PPP1R13B: variants seen among roughly 807,000 people sequenced by gnomAD.
The protein encoded by PPP1R13B is apoptosis-stimulating of p53 protein 1.
Under a neutral mutation model 119.8 loss-of-function variants are expected in PPP1R13B, and 44 were observed. The ratio of observed to expected loss-of-function variants is 0.37; its 90% CI spans 0.29 to 0.47. PPP1R13B has a LOEUF of 0.47. PPP1R13B is among the 20% of genes least tolerant of loss of function. The pLI, the probability that PPP1R13B is intolerant of heterozygous loss-of-function variation, is 0.99. For synonymous variants in PPP1R13B, 542 were observed against 561.5 expected, an observed-to-expected ratio of 0.97 and a Z score of 0.49; for missense variants, 1,227 against 1,413.5, an observed-to-expected ratio of 0.87 and a Z score of 2.12.
chr14:103,847,116 C>A (rs2087063842), intron 1 of PPP1R13B, 183 bp downstream of exon 1: 2 of 984,166 alleles, frequency 2.0e-6, no homozygotes, highest in South Asian at 9.3e-5. Context: ...CGCTGACAGC[C>A]CGGCGCCGCC....
At chr14:103,794,451 C>T (rs985402419) in intron 2 of PPP1R13B, 16 of 173,446 alleles carry the variant, frequency 9.2e-5, no homozygotes, top group African/African-American at 1.9e-4. Context: ...CTCAGCCTCC[C>T]GAGTAGCAGG....
chr14:103,833,762 A>T (rs954002400), intron 1 of PPP1R13B, among the ~76,000 whole-genome samples: 1 of 152,100 alleles, frequency 6.6e-6, no homozygotes, highest in Non-Finnish European at 1.5e-5. Flanking sequence ...GAAACTTCCC[A>T]ACATCCTGAG....
At chr14:103,848,784 A>G (rs1173083898), upstream of PPP1R13B, among the ~76,000 whole-genome samples, 1 of 145,890 alleles carries the variant, frequency 6.9e-6, no homozygotes, top group African/African-American at 2.8e-5. Context: ...CCTGTCCCTC[A>G]GAGGCCACGG....
intron 1 of PPP1R13B, among the ~76,000 whole-genome samples, chr14:103,816,761 C>A (rs905412613): frequency 4.0e-5 from 6 of 151,802 alleles, no homozygotes; most frequent in African/African-American, 1.2e-4. Flanking sequence ...TCTGCAAATA[C>A]CAAAAATTCA....
rs532042343 is a variant in PPP1R13B, at chr14:103,819,140, G to A, written c.10-21622C>T. 2.0e-4 allele frequency among the ~76,000 whole-genome samples: 31 copies of A among 152,322 alleles called. No individual in the cohort carries two copies. The South Asian group carries it at 6.0e-3, about 30-fold the overall frequency. The stretch of plus-strand genomic sequence containing the variant: ...TGAAGAGACTGAGAATCAATAAGGA[G>A]TCCAGCTTGACTGAAGCAGGGAAAT... On this transcript the variant is annotated intron_variant, in intron 1 of 16. Transcript: ENST00000202556.
chr14:103,771,567 G>A lies in PPP1R13B; in HGVS notation c.354+7178C>T, dbSNP rs145270416. 1.5e-3 allele frequency among the ~76,000 whole-genome samples: 199 copies of A among 134,524 alleles called. 1 individual carries two copies. The highest frequency in any genetic ancestry group is 5.2e-3 in the African/African-American group (187 of 35,668). 88.3% of individuals were successfully genotyped at this position (134,524 alleles called of 152,430 possible). A position where few individuals can be genotyped will look rare whatever the true frequency, so the allele number is the denominator to read the frequency against. On this transcript the variant is annotated intron_variant, in intron 4 of 16. Coordinates refer to ENST00000202556, the MANE Select transcript of PPP1R13B (RefSeq NM_015316.3). ...GTGATCTCAGCTCACTGCAACCTCC[G>A]CCCCCTGGGTTCAAGCGATTCTCCT... is the stretch of plus-strand genomic sequence containing the variant.
At chr14:103,784,986 A>T (rs2085424005) in intron 2 of PPP1R13B, 72 bp from the exon 3 acceptor site, 1 of 1,395,838 alleles carries the variant, frequency 7.2e-7, no homozygotes, top group African/African-American at 1.4e-5. Flanking sequence ...TTTGTAAAAA[A>T]CTTAAATGAA....
intron 1 of PPP1R13B, among the ~76,000 whole-genome samples, chr14:103,811,601 T>C (rs1043960301): frequency 1.3e-5 from 2 of 151,962 alleles, no homozygotes; most frequent in East Asian, 1.9e-4. Flanking sequence ...GGTAGGAGGA[T>C]TGCTTGAGCC....
chr14:103,826,999 G>A (rs1415046283), intron 1 of PPP1R13B, among the ~76,000 whole-genome samples: 2 of 148,488 alleles, frequency 1.3e-5, no homozygotes, highest in East Asian at 2.0e-4. Flanking sequence ...GTGACAGAGC[G>A]AAACTCCATC....
chr14:103,846,207 TA>T (rs1419261152), intron 1 of PPP1R13B, among the ~76,000 whole-genome samples: 1 of 152,164 alleles, frequency 6.6e-6, no homozygotes, highest in Non-Finnish European at 1.5e-5. Flanking sequence ...GATCAAACCT[TA>T]AGACTTGGAA....
At chr14:103,783,144 G>T (rs550265808) in intron 3 of PPP1R13B, among the ~76,000 whole-genome samples, 1 of 151,892 alleles carries the variant, frequency 6.6e-6, no homozygotes, top group African/African-American at 2.4e-5. Flanking sequence ...TTCTTTACAT[G>T]TAAAGAGAAT....
intron 3 of PPP1R13B, among the ~76,000 whole-genome samples, chr14:103,780,488 A>C (rs2085311836): frequency 2.0e-5 from 1 of 51,048 alleles, no homozygotes; most frequent in African/African-American, 1.1e-4. Context: ...CCTGTCTCAA[A>C]AAAAAAAAAA....
rs1232029809 is a variant in PPP1R13B, at chr14:103,742,708, G to GC, written c.1265dup (p.Thr423HisfsTer24). 1 of 1,613,886 alleles carries GC rather than the reference G, an allele frequency of 6.2e-7. No homozygotes were observed. Among genetic ancestry groups the GC allele is most frequent in the African/African-American group, 1.3e-5 (1 of 74,928 alleles). On this transcript the variant is annotated frameshift_variant, in exon 10 of 17. Transcript: ENST00000202556. LOFTEE classifies it high-confidence loss of function. The surrounding 1 kb of genome is among the most constrained non-coding windows in gnomAD (Gnocchi z 4.9). ...AGGGCACAGGCTGGCTGGAGACAGT[G>GC]CCCTGCTTGACAGACCCCTCCACGC...
At chr14:103,822,418 G>A (rs578030583) in intron 1 of PPP1R13B, among the ~76,000 whole-genome samples, 12 of 152,178 alleles carry the variant, frequency 7.9e-5, no homozygotes, top group Admixed American at 2.0e-4. Flanking sequence ...TAGAAGAAGC[G>A]TGAGCCACTG....
At position 103,742,116 on chromosome 14, in the gene PPP1R13B, C is replaced by T. The variant is rs759806671; in HGVS notation, c.1496G>A (p.Arg499Lys). The change falls in exon 11 of 17, where the codon AGG (arginine) becomes AAG (lysine). Residue 499 changes from arginine (R) to lysine (K), a missense_variant. Arg to Lys is a conservative substitution (Grantham distance 26). Coordinates refer to ENST00000202556, the MANE Select transcript of PPP1R13B (RefSeq NM_015316.3). This position sits in a 1 kb window ranked among gnomAD's most constrained non-coding sequence, Gnocchi z 4.9. ...RPSAGLPSRQ[R>K]PTLLPATGST... ...GCCTGTGGCGGGCAGCAGGGTGGGCCTCTGTCGACTTGGCAGGCCTGCACT... is the reference window on the plus strand; with the variant it reads ...GCCTGTGGCGGGCAGCAGGGTGGGCTTCTGTCGACTTGGCAGGCCTGCACT... The T allele has an allele frequency of 6.2e-7, 1 of 1,613,224 alleles. No homozygotes were observed. The highest frequency in any genetic ancestry group is 2.2e-5 in the East Asian group (1 of 44,864).
At chr14:103,815,042 C>T (rs1366656932) in intron 1 of PPP1R13B, among the ~76,000 whole-genome samples, 2 of 152,080 alleles carry the variant, frequency 1.3e-5, no homozygotes, top group African/African-American at 2.4e-5. Flanking sequence ...GTGGAAACAA[C>T]TCAAACTGAT....
intron 1 of PPP1R13B, among the ~76,000 whole-genome samples, chr14:103,830,137 C>A (rs565104211): frequency 6.6e-6 from 1 of 151,220 alleles, no homozygotes; most frequent in East Asian, 1.9e-4. Context: ...CTCTTGTCAC[C>A]CAGGCTGGAG....
At chr14:103,763,818 C>A (rs1387309219) in intron 4 of PPP1R13B, 1 of 152,254 alleles carries the variant, frequency 6.6e-6, no homozygotes, top group Non-Finnish European at 1.5e-5. Flanking sequence ...ACTCTGGGCC[C>A]CAGCTGCAGG....
intron 2 of PPP1R13B, among the ~76,000 whole-genome samples, chr14:103,795,485 G>C (rs2085737606): frequency 1.3e-5 from 2 of 152,120 alleles, no homozygotes; most frequent in African/African-American, 4.8e-5. Context: ...AGATGGGCTG[G>C]GAGACAAGGA....
Sources: allele counts gnomAD v4.1 joint callset (sites outside exome capture counted in the v4.1 genomes callset), GRCh38; gene constraint gnomAD v4.1.1; non-coding constraint Gnocchi (gnomAD v3.1); transcripts MANE v1.5; gene names NCBI Gene and HGNC (gene_info 2026-07-23, HGNC 2026-07-21).